The following ANO1 variants were observed in gnomAD, a reference collection of about 807,000 sequenced individuals.
ANO1 encodes anoctamin-1.
Under a neutral mutation model 124.0 loss-of-function variants are expected in ANO1, and 59 were observed. The observed-to-expected ratio is 0.48, with a 90% CI of 0.39 to 0.59. The LOEUF (loss-of-function observed/expected upper bound fraction) is 0.59. Ranked by LOEUF, ANO1 falls within the 20% of genes least tolerant of loss-of-function variation. ANO1 has a pLI of 0.00. For synonymous variants in ANO1, 529 were observed against 532.0 expected, an observed-to-expected ratio of 0.99 and a Z score of 0.08; for missense variants, 1,059 against 1,328.0, an observed-to-expected ratio of 0.80 and a Z score of 3.15.
chr11:70,093,556 C>T (rs1449047167), intron 2 of ANO1, among the ~76,000 whole-genome samples: 2 of 152,230 alleles, frequency 1.3e-5, no homozygotes, highest in Non-Finnish European at 2.9e-5. Context: ...GAGGCCCACA[C>T]TGCCCTGATG....
At chr11:70,161,438 G>A in intron 17 of ANO1, 76 bp downstream of exon 17, 5 of 1,528,892 alleles carry the variant, frequency 3.3e-6, no homozygotes, top group Non-Finnish European at 4.5e-6. Context: ...GTGCATCCTT[G>A]AGTTTGTTGC....
chr11:70,168,576 C>T (rs2048340753), intron 21 of ANO1, among the ~76,000 whole-genome samples: 1 of 152,056 alleles, frequency 6.6e-6, no homozygotes, highest in Admixed American at 6.6e-5. Flanking sequence ...AGTGGGTGCT[C>T]AATGTGTGTT....
upstream of ANO1, among the ~76,000 whole-genome samples, chr11:70,076,085 A>G (rs527798339): frequency 8.7e-4 from 132 of 152,314 alleles, 4 homozygotes; most frequent in Non-Finnish European, 2.1e-4. Context: ...GCATGTCCAC[A>G]CTGTCCACCT....
At chr11:70,080,831 C>A (rs1473593505) in intron 1 of ANO1, among the ~76,000 whole-genome samples, 1 of 152,166 alleles carries the variant, frequency 6.6e-6, no homozygotes, top group Non-Finnish European at 1.5e-5. Context: ...CGGTAGATGG[C>A]CAGACAGGCT....
At chr11:69,967,378 C>G in the ANO1 span, among the ~76,000 whole-genome samples, 1 of 152,268 alleles carries the variant, frequency 6.6e-6, no homozygotes, top group African/African-American at 2.4e-5. Flanking sequence ...GCGTAGCCTT[C>G]AGCCATGATG....
chr11:70,052,015 T>C (rs1156806920), intron 1 of ANO1, among the ~76,000 whole-genome samples: 1 of 152,242 alleles, frequency 6.6e-6, no homozygotes, highest in African/African-American at 2.4e-5. Context: ...GCTTTATGGT[T>C]GGCCTTTTTG....
chr11:70,075,213 G>T (rs1555009845), upstream of ANO1: 1 of 152,108 alleles, frequency 6.6e-6, no homozygotes, highest in Non-Finnish European at 1.5e-5. Context: ...TTCCCTGTGG[G>T]CAATGCCAAC....
At chr11:70,081,530 C>T (rs1770297740) in intron 1 of ANO1, among the ~76,000 whole-genome samples, 1 of 152,188 alleles carries the variant, frequency 6.6e-6, no homozygotes, top group African/African-American at 2.4e-5. Context: ...TGAAGAGTCT[C>T]AAAACCAAAA....
At chr11:70,036,318 C>G (rs1181592011) in intron 1 of ANO1, among the ~76,000 whole-genome samples, 1 of 152,128 alleles carries the variant, frequency 6.6e-6, no homozygotes, top group African/African-American at 2.4e-5. Context: ...CTCTGTGTGT[C>G]CTTTACAGTT....
intron 11 of ANO1, among the ~76,000 whole-genome samples, chr11:70,135,247 T>C (rs1197681609): frequency 1.3e-5 from 2 of 152,140 alleles, no homozygotes; most frequent in African/African-American, 4.8e-5. Context: ...TTAGACTCCC[T>C]GTAGCCACTT....
chr11:70,006,717 T>G (rs1555000162), intron 1 of ANO1, among the ~76,000 whole-genome samples: 1 of 128,034 alleles, frequency 7.8e-6, no homozygotes, highest in African/African-American at 2.8e-5. Flanking sequence ...TGACCCAGAC[T>G]GGAGTGCAGT....
chr11:70,169,865 C>T (rs1305732828), intron 21 of ANO1: 2 of 231,392 alleles, frequency 8.6e-6, no homozygotes, highest in Non-Finnish European at 1.8e-5. Flanking sequence ...CTGCTGGCTT[C>T]CTTGTTTACC....
the ANO1 span, among the ~76,000 whole-genome samples, chr11:69,978,628 C>T: frequency 1.3e-5 from 2 of 152,140 alleles, no homozygotes; most frequent in Non-Finnish European, 2.9e-5. Flanking sequence ...TGGGATTACA[C>T]GTGTAAGCTA....
At chr11:70,155,803 G>T in intron 14 of ANO1, 108 bp from the exon 15 acceptor site, 1 of 1,050,272 alleles carries the variant, frequency 9.5e-7, no homozygotes, top group Non-Finnish European at 1.3e-6. Flanking sequence ...CCCGCACCAG[G>T]AGGGGCCAGC....
rs56905685 is a variant in ANO1, at chr11:70,022,605, CA to C, written c.58+36451del. The stretch of plus-strand genomic sequence containing the variant: ...TTGGCAACAGAGTGAGACTCCATCT[CA>C]AAAAAAAAAAAGAATGCAAGAGTGA... On this transcript the variant is annotated intron_variant, in intron 1 of 27. Transcript: ENST00000531349. Among the ~76,000 whole-genome samples, 931 of 142,618 alleles carry C rather than the reference CA, an allele frequency of 6.5e-3. 4 individuals carry two copies. The highest frequency in any genetic ancestry group is 0.021 in the African/African-American group (799 of 38,424). 93.6% of individuals were successfully genotyped at this position (142,618 alleles called of 152,430 possible). A position where few individuals can be genotyped will look rare whatever the true frequency, so the allele number is the denominator to read the frequency against.
upstream of ANO1, among the ~76,000 whole-genome samples, chr11:69,984,596 T>A (rs782221845): frequency 5.3e-4 from 81 of 152,312 alleles, no homozygotes; most frequent in African/African-American, 1.8e-3. Flanking sequence ...CCTGGGGCAG[T>A]GTCCTCAGGT....
chr11:70,108,759 G>A (rs1332837824), intron 6 of ANO1, among the ~76,000 whole-genome samples: 2 of 152,158 alleles, frequency 1.3e-5, no homozygotes, highest in South Asian at 2.1e-4. Context: ...GAAGTAATTG[G>A]GGTTCCAGCC....
chr11:70,003,372 G>A (rs1202366534), intron 1 of ANO1, among the ~76,000 whole-genome samples: 4 of 152,188 alleles, frequency 2.6e-5, no homozygotes, highest in Admixed American at 6.5e-5. Flanking sequence ...CTCTGATATG[G>A]TCCCACTGGT....
intron 10 of ANO1, chr11:70,129,831 C>T (rs1374231817): frequency 1.3e-5 from 2 of 152,314 alleles, no homozygotes; most frequent in East Asian, 3.9e-4. Context: ...CCATGTTGGC[C>T]AGGCTGGTCT....
Sources: gnomAD v4.1 joint callset for allele counts (sites outside exome capture counted in the v4.1 genomes callset) on GRCh38, gnomAD v4.1.1 for gene constraint, MANE v1.5 for transcripts, NCBI Gene and HGNC (gene_info 2026-07-23, HGNC 2026-07-21) for gene names.